SMARCC1: variants seen among roughly 807,000 people sequenced by gnomAD.
SMARCC1 encodes SWI/SNF related BAF chromatin remodeling complex subunit C1.
Under a neutral mutation model 147.4 loss-of-function variants are expected in SMARCC1, and 43 were observed. That is an observed-to-expected ratio of 0.29 (90% CI 0.23 to 0.38). The LOEUF (loss-of-function observed/expected upper bound fraction) is 0.38, where lower values mean the gene tolerates loss of function less well. Ranked by LOEUF, SMARCC1 falls within the 10% of genes least tolerant of loss-of-function variation. SMARCC1 has a pLI of 1.00. For synonymous variants in SMARCC1, 495 were observed against 484.4 expected (o/e 1.02, Z -0.29); for missense variants, 1,119 against 1,381.1 (o/e 0.81, Z 3.01).
chr3:47,741,176 T>C (rs2034505330), intron 3 of SMARCC1, among the ~76,000 whole-genome samples: 1 of 151,908 alleles, frequency 6.6e-6, no homozygotes, highest in Non-Finnish European at 1.5e-5. Flanking sequence ...ACGAGACAAC[T>C]GTTTCAGTAG....
rs1053193139 is a variant in SMARCC1 at position 47,681,895 on chromosome 3, A to C, written c.1386-1387T>G. 2.0e-5 allele frequency among the ~76,000 whole-genome samples: 3 copies of C among 152,200 alleles called. No individual in the cohort carries two copies. In the South Asian group the frequency reaches 6.2e-4, roughly 31 times the overall value. ...AGGTTAGGAAAGGCCCACTTTTAAAAAAAATTCTGTATCATAACTAGTATT... is the reference window on the plus strand; with the variant it reads ...AGGTTAGGAAAGGCCCACTTTTAAACAAAATTCTGTATCATAACTAGTATT... On this transcript the variant is annotated intron_variant, in intron 14 of 27. Coordinates refer to ENST00000254480, the MANE Select transcript of SMARCC1 (RefSeq NM_003074.4).
At chr3:47,779,486 C>T (rs1014029273) in intron 1 of SMARCC1, among the ~76,000 whole-genome samples, 5 of 152,186 alleles carry the variant, frequency 3.3e-5, no homozygotes, top group African/African-American at 9.7e-5. Flanking sequence ...AGGGTATATA[C>T]GTTTCTCAAT....
Position 47,752,740 on chromosome 3 carries a change from T to A in SMARCC1, c.316-6747A>T, listed in dbSNP as rs1055566702. 1.3e-5 allele frequency among the ~76,000 whole-genome samples: 2 copies of A among 152,106 alleles called. 1 individual carries two copies. Among genetic ancestry groups the A allele is most frequent in the South Asian group, 4.2e-4 (2 of 4,812 alleles). On this transcript the variant is annotated intron_variant, in intron 2 of 27. Coordinates refer to ENST00000254480, the MANE Select transcript of SMARCC1 (RefSeq NM_003074.4). ...AGGAGGCTGAAGCTGCAGTGACCCA[T>A]GATCACAGTCCTGTCTGAAAAAAAC...
intron 25 of SMARCC1, among the ~76,000 whole-genome samples, chr3:47,621,089 C>T (rs1362307992): frequency 6.6e-6 from 1 of 152,124 alleles, no homozygotes; most frequent in African/African-American, 2.4e-5. Flanking sequence ...ATCATGAGGT[C>T]AAGAGATAGG....
Position 47,746,000 on chromosome 3 carries a change from A to G in SMARCC1, c.316-7T>C, listed in dbSNP as rs775771597. On this transcript the variant is annotated splice_region_variant and splice_polypyrimidine_tract_variant and intron_variant, in intron 2 of 27. Transcript: ENST00000254480. Reference sequence around the variant, plus strand: ...AATCCATGAAACACTTTGCCTAAAAATGATACAAATTACACATGAGAAAAA... The same window carrying G: ...AATCCATGAAACACTTTGCCTAAAAGTGATACAAATTACACATGAGAAAAA... 6.4e-7 allele frequency: 1 copy of G among 1,552,872 alleles called. No homozygotes were observed. The highest frequency in any genetic ancestry group is 8.7e-7 in the Non-Finnish European group (1 of 1,151,006).
At chr3:47,778,783 T>G (rs2035008701) in intron 1 of SMARCC1, among the ~76,000 whole-genome samples, 1 of 152,040 alleles carries the variant, frequency 6.6e-6, no homozygotes, top group African/African-American at 2.4e-5. Context: ...GCCCAGGAGT[T>G]CGAGACCAGC....
intron 12 of SMARCC1, among the ~76,000 whole-genome samples, chr3:47,691,333 G>T (rs1204462761): frequency 1.3e-5 from 2 of 152,176 alleles, no homozygotes. Flanking sequence ...AACAGCTCTG[G>T]TCAGGCATGG....
At chr3:47,651,639 T>C (rs2033192079) in intron 21 of SMARCC1, among the ~76,000 whole-genome samples, 1 of 152,214 alleles carries the variant, frequency 6.6e-6, no homozygotes, top group Admixed American at 6.5e-5. Context: ...TCCCTGATCA[T>C]TTAAAATTGT....
rs554015853 is a variant in SMARCC1 at position 47,768,981 on chromosome 3, G to A, written c.315+3836C>T. On this transcript the variant is annotated intron_variant, in intron 2 of 27. Coordinates refer to ENST00000254480, the MANE Select transcript of SMARCC1 (RefSeq NM_003074.4). ...TCCCAGCACTTTGGGAGGGAGAGGT[G>A]GGCAGATCACCTGAGGTCAGGAGTT... Among the ~76,000 whole-genome samples, 3 of 152,086 alleles carry A rather than the reference G, an allele frequency of 2.0e-5. No individual in the cohort carries two copies. The South Asian group carries it at 6.2e-4, about 32-fold the overall frequency.
intron 2 of SMARCC1, among the ~76,000 whole-genome samples, chr3:47,748,150 CAAAAAAT>C (rs1221148358): frequency 4.6e-5 from 7 of 151,686 alleles, no homozygotes; most frequent in Non-Finnish European, 7.4e-5. Context: ...ACTGTCTCAA[CAAAAAAT>C]AAAAAATAAA....
chr3:47,621,815 C>CT (rs2032736820), intron 25 of SMARCC1, among the ~76,000 whole-genome samples: 1 of 141,622 alleles, frequency 7.1e-6, no homozygotes, highest in African/African-American at 2.6e-5. Context: ...AAAATTAAAA[C>CT]TTTAAAAAAA....
chr3:47,611,007 T>C (rs960221499), intron 25 of SMARCC1, among the ~76,000 whole-genome samples: 2 of 152,238 alleles, frequency 1.3e-5, no homozygotes, highest in African/African-American at 4.8e-5. Context: ...GTTTAACGAC[T>C]ACAAGCATTT....
intron 19 of SMARCC1, among the ~76,000 whole-genome samples, chr3:47,663,165 TAGGGGAGAGGAG>T (rs2033371707): frequency 4.4e-5 from 1 of 22,828 alleles, no homozygotes; most frequent in Non-Finnish European, 7.8e-5. Context: ...GAAGGGAGGG[TAGGGGAGAGGAG>T]GGGAGAGGGG....
intron 26 of SMARCC1, among the ~76,000 whole-genome samples, chr3:47,591,536 CCTTTT>C (rs2032182216): frequency 2.6e-5 from 4 of 151,556 alleles, no homozygotes; most frequent in South Asian, 2.1e-4. Context: ...CCCTTCCTTT[CCTTTT>C]GTTTGTTTCT....
intron 2 of SMARCC1, among the ~76,000 whole-genome samples, chr3:47,758,193 C>T (rs1314282469): frequency 6.6e-6 from 1 of 152,094 alleles, no homozygotes; most frequent in African/African-American, 2.4e-5. Context: ...GATCACTACT[C>T]ACTGCAGCCT....
chr3:47,749,271 C>A (rs1303376092), intron 2 of SMARCC1, among the ~76,000 whole-genome samples: 2 of 151,994 alleles, frequency 1.3e-5, no homozygotes, highest in African/African-American at 2.4e-5. Context: ...GCCACTGTAA[C>A]AGAGGGAGAC....
chr3:47,730,558 TA>T (rs2034360826), intron 5 of SMARCC1, among the ~76,000 whole-genome samples: 1 of 152,172 alleles, frequency 6.6e-6, no homozygotes, highest in Admixed American at 6.5e-5. Context: ...AAAAATATTT[TA>T]TTGCTAGAAA....
intron 11 of SMARCC1, among the ~76,000 whole-genome samples, chr3:47,697,907 C>T (rs1284137362): frequency 1.4e-5 from 2 of 139,142 alleles, no homozygotes; most frequent in Non-Finnish European, 1.5e-5. Flanking sequence ...ACTCAGGAGG[C>T]TGAGGCAGGA....
intron 24 of SMARCC1, among the ~76,000 whole-genome samples, chr3:47,630,856 A>C (rs184282082): frequency 6.6e-6 from 1 of 152,266 alleles, no homozygotes; most frequent in African/African-American, 2.4e-5. Context: ...TGGCACCAGG[A>C]GTTTGAGACC....
Sources: gnomAD v4.1 joint callset for allele counts (sites outside exome capture counted in the v4.1 genomes callset) on GRCh38, gnomAD v4.1.1 for gene constraint, MANE v1.5 for transcripts, NCBI Gene and HGNC (gene_info 2026-07-23, HGNC 2026-07-21) for gene names.